The following DMXL1 variants were observed in gnomAD, a reference collection of about 807,000 sequenced individuals.
DMXL1 encodes the protein Dmx like 1, also known as dmX-like protein 1.
A neutral mutation model predicts 319.2 loss-of-function variants in DMXL1; 99 were observed. The ratio of observed to expected loss-of-function variants is 0.31; its 90% CI spans 0.26 to 0.37. The LOEUF is 0.37. Ranked by LOEUF, DMXL1 falls within the 10% of genes least tolerant of loss-of-function variation. The pLI, the probability that DMXL1 is intolerant of heterozygous loss-of-function variation, is 1.00. For synonymous variants in DMXL1, 1,385 were observed against 1,235.2 expected, an observed-to-expected ratio of 1.12 and a Z score of -2.54; for missense variants, 3,745 against 3,595.6, an observed-to-expected ratio of 1.04 and a Z score of -1.06.
intron 10 of DMXL1, chr5:119,132,884 T>G: frequency 5.2e-6 from 3 of 578,572 alleles, no homozygotes; most frequent in Non-Finnish European, 9.3e-6. Flanking sequence ...GATAAGAAAC[T>G]AGATCTCAAA....
At chr5:119,126,014 G>C (rs1051493396) in intron 9 of DMXL1, among the ~76,000 whole-genome samples, 1 of 152,070 alleles carries the variant, frequency 6.6e-6, no homozygotes, top group Admixed American at 6.6e-5. Flanking sequence ...TTATTGACTG[G>C]GTTCGATGGC....
intron 1 of DMXL1, among the ~76,000 whole-genome samples, chr5:119,093,574 C>T (rs1345464406): frequency 2.0e-5 from 3 of 152,172 alleles, no homozygotes; most frequent in Non-Finnish European, 4.4e-5. Context: ...TGAATAGTGA[C>T]AACCCTACAG....
At chr5:119,189,620 G>A in intron 28 of DMXL1, 88 bp from the exon 29 acceptor site, 1 of 1,195,190 alleles carries the variant, frequency 8.4e-7, no homozygotes, top group Non-Finnish European at 1.2e-6. Context: ...GTGCTTATTT[G>A]TAGTTAACCT....
Position 119,118,983 on chromosome 5 carries a change from A to G in DMXL1, c.912A>G (p.Glu304=). The G allele has an allele frequency of 6.2e-7, 1 of 1,611,934 alleles. No individual in the cohort carries two copies. Among genetic ancestry groups the G allele is most frequent in the South Asian group, 1.1e-5 (1 of 90,464 alleles). The change falls in exon 8 of 44, where the codon GAA becomes GAG. Residue 304 remains glutamate, a synonymous_variant. Coordinates refer to ENST00000539542, the MANE Select transcript of DMXL1 (RefSeq NM_001290321.3). ...NNFKRNASSK[E]RVQNALEVNL... ...TCAAGAGAAATGCTTCCAGTAAAGA[A>G]CGAGTTCAAAATGCTTTAGAAGTGA... is the stretch of plus-strand genomic sequence containing the variant.
chr5:119,071,815 G>A (rs1749648196), intron 1 of DMXL1, among the ~76,000 whole-genome samples, 159 bp downstream of exon 1: 1 of 152,112 alleles, frequency 6.6e-6, no homozygotes, highest in Non-Finnish European at 1.5e-5. Context: ...GAGAACTAAG[G>A]AAGCAAAACC....
rs181593592 is a variant in DMXL1 at position 119,234,210 on chromosome 5, T to G, written c.8466+743T>G. ...TTTATGTTAGACAGCAATCTTTTAT[T>G]GAACAGTACTGCTCCTTGTGAAGCA... On this transcript the variant is annotated intron_variant, in intron 39 of 43. Coordinates refer to ENST00000539542, the MANE Select transcript of DMXL1 (RefSeq NM_001290321.3). Among the ~76,000 whole-genome samples, 674 of 152,322 alleles carry G rather than the reference T, an allele frequency of 4.4e-3. 12 individuals are homozygous for G. Among genetic ancestry groups the G allele is most frequent in the South Asian group, 0.039 (186 of 4,828 alleles).
At chr5:119,073,177 C>G (rs1211676137) in intron 1 of DMXL1, among the ~76,000 whole-genome samples, 9 of 152,184 alleles carry the variant, frequency 5.9e-5, no homozygotes, top group African/African-American at 1.7e-4. Context: ...GTCCTTCCAC[C>G]TTAGGCTCCT....
intron 28 of DMXL1, among the ~76,000 whole-genome samples, chr5:119,183,617 C>T (rs1404640579): frequency 2.0e-5 from 3 of 151,874 alleles, no homozygotes; most frequent in Non-Finnish European, 2.9e-5. Context: ...GGATTACAGG[C>T]GTGCACCACC....
At chr5:119,221,136 A>T (rs958655784) in intron 37 of DMXL1, 55 bp downstream of exon 37, 4 of 1,302,690 alleles carry the variant, frequency 3.1e-6, no homozygotes, top group Non-Finnish European at 2.1e-6. Context: ...TTTTCCCTCT[A>T]GGTTAATGGA....
rs6897755 is a variant in DMXL1 at position 119,107,065 on chromosome 5, G to A, written c.364+1807G>A. 3.4e-3 allele frequency among the ~76,000 whole-genome samples: 515 copies of A among 152,284 alleles called. 3 individuals are homozygous for A. The highest frequency in any genetic ancestry group is 0.012 in the African/African-American group (492 of 41,572). On this transcript the variant is annotated intron_variant, in intron 4 of 43. Transcript: ENST00000539542. ...AAAAGTTATCTTTGGGGCTGGGCACGGTGGTTCAAACCTGTAATATCAGCA... is the reference window on the plus strand; with the variant it reads ...AAAAGTTATCTTTGGGGCTGGGCACAGTGGTTCAAACCTGTAATATCAGCA...
At position 119,171,949 on chromosome 5, in the gene DMXL1, C is replaced by A; in HGVS notation, c.6661C>A (p.Pro2221Thr). 6.2e-7 allele frequency: 1 copy of A among 1,612,492 alleles called. No individual in the cohort carries two copies. The highest frequency in any genetic ancestry group is 8.5e-7 in the Non-Finnish European group (1 of 1,179,240). Reference sequence around the variant, plus strand: ...AATAAACTTTGATTCACCACCCCACCCTGATATCCAAAGCAATAAAGTAAG... The same window carrying A: ...AATAAACTTTGATTCACCACCCCACACTGATATCCAAAGCAATAAAGTAAG... ...AIINFDSPPH[P>T]DIQSNKVYVM... The change falls in exon 25 of 44, where the codon CCT becomes ACT. Residue 2221 changes from proline (P) to threonine (T), a missense_variant. Around this residue, in one of 4 missense-constraint regions of DMXL1, gnomAD observed 1,382 missense variants for 1,269.5 expected, o/e 1.09. Transcript: ENST00000539542.
chr5:119,100,781 T>C (rs12656042), intron 2 of DMXL1: 2 of 132,792 alleles, frequency 1.5e-5, no homozygotes, highest in Admixed American at 7.6e-5. Flanking sequence ...TTTTTTTTTT[T>C]TTTTTTTTTT....
At position 119,085,457 on chromosome 5, in the gene DMXL1, T is replaced by C. The variant is rs1453529497; in HGVS notation, c.88-12522T>C. Among the ~76,000 whole-genome samples, 8 of 152,146 alleles carry C rather than the reference T, an allele frequency of 5.3e-5. No homozygotes were observed. The East Asian group carries it at 1.5e-3, about 29-fold the overall frequency. On this transcript the variant is annotated intron_variant, in intron 1 of 43. Coordinates refer to ENST00000539542, the MANE Select transcript of DMXL1 (RefSeq NM_001290321.3). ...GATTTCTTTGTAAGATTGCTCGCCA[T>C]TGGTGAGCATACAATGGTGTATGCT...
chr5:119,106,710 A>G (rs1183927330), intron 4 of DMXL1, among the ~76,000 whole-genome samples: 1 of 152,154 alleles, frequency 6.6e-6, no homozygotes, highest in Non-Finnish European at 1.5e-5. Flanking sequence ...GGAACAGGAG[A>G]AGGAGTGACC....
rs1581490993 is a variant in DMXL1, at chr5:119,237,807, C to T, written c.8559+393C>T. 2.0e-5 allele frequency among the ~76,000 whole-genome samples: 3 copies of T among 151,932 alleles called. No homozygotes were observed. The East Asian group carries it at 5.8e-4, about 29-fold the overall frequency. ...GAACAAACAAAGTGAAAAGGACATC[C>T]TATAGCTGGTACTGTTATTTTCTTG... On this transcript the variant is annotated intron_variant, in intron 40 of 43. Transcript: ENST00000539542.
intron 1 of DMXL1, among the ~76,000 whole-genome samples, chr5:119,094,071 T>C (rs547884835): frequency 2.6e-5 from 4 of 152,354 alleles, no homozygotes; most frequent in African/African-American, 9.6e-5. Flanking sequence ...CGGCATGTTA[T>C]CCAGAAGATC....
intron 4 of DMXL1, among the ~76,000 whole-genome samples, chr5:119,109,091 G>A (rs1177255870): frequency 1.3e-5 from 2 of 152,130 alleles, no homozygotes; most frequent in African/African-American, 2.4e-5. Flanking sequence ...GTGAGCCACC[G>A]TGCCTGGCCT....
intron 38 of DMXL1, among the ~76,000 whole-genome samples, chr5:119,233,126 T>C (rs564626244): frequency 6.6e-6 from 1 of 152,280 alleles, no homozygotes; most frequent in East Asian, 1.9e-4. Flanking sequence ...TAAATGCTCC[T>C]ATCGTATTTG....
In DMXL1 at chr5:119,149,729, A is replaced by G. The variant is rs201397130; in HGVS notation, c.3902A>G (p.Asp1301Gly). Residue 1301 changes from aspartate (D) to glycine (G), a missense_variant, in exon 18 of 44, where the codon GAT becomes GGT. Around this residue, in one of 4 missense-constraint regions of DMXL1, gnomAD observed 2,096 missense variants for 1,985.4 expected, o/e 1.06. Coordinates refer to ENST00000539542, the MANE Select transcript of DMXL1 (RefSeq NM_001290321.3). ...ATCTGTGGAAAGAAAACTGCATTCG[A>G]TCCTTCAGTGGATATGGAAGATTCA... ...QKICGKKTAF[D>G]PSVDMEDSGL... The G allele has an allele frequency of 2.0e-5, 33 of 1,613,990 alleles. No homozygotes were observed. In the Admixed American group the frequency reaches 5.5e-4, roughly 27 times the overall value.
Sources: allele counts gnomAD v4.1 joint callset (sites outside exome capture counted in the v4.1 genomes callset), GRCh38; gene constraint gnomAD v4.1.1; regional missense constraint gnomAD v4.1.1; transcripts MANE v1.5; gene names NCBI Gene and HGNC (gene_info 2026-07-23, HGNC 2026-07-21).